Variants in RAP1A observed in about 807,000 individuals in gnomAD.
The protein encoded by RAP1A is RAP1A, member of RAS oncogene family.
RAP1A carries 6 observed loss-of-function variants against 26.4 expected under a neutral mutation model. The observed-to-expected ratio is 0.23, with a 90% confidence interval of 0.12 to 0.45. The LOEUF is 0.45. RAP1A is among the 20% of genes least tolerant of loss of function. The pLI, the probability that RAP1A is intolerant of heterozygous loss-of-function variation, is 0.99. For synonymous variants in RAP1A, 73 were observed against 79.4 expected (o/e 0.92, Z 0.43); for missense variants, 121 against 217.2 (o/e 0.56, Z 2.78).
In RAP1A at chr1:111,703,320, A is replaced by G; in HGVS notation, c.184-16A>G. On this transcript the variant is annotated splice_polypyrimidine_tract_variant and intron_variant, in intron 4 of 7. Transcript: ENST00000369709. ...GAAATTTATATATTTATAATTGCAT[A>G]TTTTTTAAATCATAGGAGCAATTTA... 6.7e-7 allele frequency: 1 copy of G among 1,494,320 alleles called. No homozygotes were observed. The highest frequency in any genetic ancestry group is 2.3e-5 in the East Asian group (1 of 42,988). The allele number at this position is 1,494,320 out of a possible 1,614,324, so 92.6% of individuals were successfully genotyped here.
chr1:111,558,920 A>C (rs1657622853), intron 1 of RAP1A, among the ~76,000 whole-genome samples: 1 of 152,210 alleles, frequency 6.6e-6, no homozygotes, highest in Non-Finnish European at 1.5e-5. Context: ...AAAACGTAGT[A>C]ACAAGTGAAA....
Position 111,713,169 on chromosome 1 carries a change from G to A in RAP1A, c.*768G>A, listed in dbSNP as rs1662436501. On this transcript the variant is annotated 3_prime_UTR_variant, in exon 8 of 8. Transcript: ENST00000369709. The stretch of plus-strand genomic sequence containing the variant: ...TAGATTAAAGCGTTTATTTTATAAT[G>A]ACCACATTGTTTTAAATGCGACAGT... 2 of 152,428 alleles carry A rather than the reference G, an allele frequency of 1.3e-5. No individual in the cohort carries two copies. Among genetic ancestry groups the A allele is most frequent in the Non-Finnish European group, 2.9e-5 (2 of 67,954 alleles). The allele number at this position is 152,428 out of a possible 1,614,324, so 9.4% of individuals were successfully genotyped here. A position where few individuals can be genotyped will look rare whatever the true frequency, so the allele number is the denominator to read the frequency against.
intron 1 of RAP1A, among the ~76,000 whole-genome samples, chr1:111,589,111 T>C (rs1352458080): frequency 6.6e-6 from 1 of 152,230 alleles, no homozygotes; most frequent in Non-Finnish European, 1.5e-5. Flanking sequence ...TGTTTTGGTG[T>C]CTTGATGATA....
At chr1:111,545,924 G>T (rs1052419887) in intron 1 of RAP1A, among the ~76,000 whole-genome samples, 2 of 152,130 alleles carry the variant, frequency 1.3e-5, no homozygotes, top group African/African-American at 4.8e-5. Context: ...AAAATCAATT[G>T]TCCACAGGTG....
At chr1:111,552,072 C>T (rs980604016) in intron 1 of RAP1A, among the ~76,000 whole-genome samples, 3 of 152,212 alleles carry the variant, frequency 2.0e-5, no homozygotes, top group Admixed American at 6.5e-5. Flanking sequence ...CAACTGTTAT[C>T]CATTGTCTCA....
intron 1 of RAP1A, among the ~76,000 whole-genome samples, chr1:111,669,065 A>G (rs567434063): frequency 2.0e-4 from 30 of 151,790 alleles, no homozygotes; most frequent in Admixed American, 4.6e-4. Context: ...AAAGAAATGT[A>G]TAAATAAAAA....
At chr1:111,643,093 C>T (rs1167518474) in intron 1 of RAP1A, among the ~76,000 whole-genome samples, 1 of 152,038 alleles carries the variant, frequency 6.6e-6, no homozygotes, top group African/African-American at 2.4e-5. Context: ...TGTAAGGGGC[C>T]AGATAGTAAG....
chr1:111,607,973 G>T (rs6660330), intron 1 of RAP1A, among the ~76,000 whole-genome samples: 1,061 of 68,280 alleles, frequency 0.016, 25 homozygotes, highest in African/African-American at 0.074. Context: ...TCCCGGACGG[G>T]GCAGCTGGCC....
intron 1 of RAP1A, among the ~76,000 whole-genome samples, chr1:111,655,139 T>A (rs1486338141): frequency 6.6e-6 from 1 of 151,482 alleles, no homozygotes; most frequent in Admixed American, 6.6e-5. Context: ...TTTGCTTTAA[T>A]CCACTGGTAC....
chr1:111,697,409 C>A, intron 3 of RAP1A, 32 bp from the exon 4 acceptor site: 2 of 1,590,698 alleles, frequency 1.3e-6, no homozygotes, highest in Non-Finnish European at 1.7e-6. Flanking sequence ...TGATGTTACT[C>A]TTTAACCTTT....
intron 1 of RAP1A, among the ~76,000 whole-genome samples, chr1:111,649,838 T>A (rs1660205658): frequency 6.6e-6 from 1 of 152,128 alleles, no homozygotes; most frequent in Non-Finnish European, 1.5e-5. Context: ...TCTGAATGCT[T>A]TTATGCACTG....
intron 4 of RAP1A, among the ~76,000 whole-genome samples, chr1:111,700,411 AGT>A (rs1402902202): frequency 1.3e-5 from 2 of 152,162 alleles, no homozygotes. Flanking sequence ...AAGAGCAAAG[AGT>A]GAGCGGGAGA....
intron 1 of RAP1A, among the ~76,000 whole-genome samples, chr1:111,650,836 C>T (rs1454870691): frequency 6.6e-6 from 1 of 151,954 alleles, no homozygotes; most frequent in Non-Finnish European, 1.5e-5. Context: ...TGCTCTGTCG[C>T]CCAGGCTGGA....
Position 111,593,042 on chromosome 1 carries a change from G to A in RAP1A, c.-28+50533G>A, listed in dbSNP as rs958857355. On this transcript the variant is annotated intron_variant, in intron 1 of 7. Coordinates refer to the RAP1A transcript ENST00000356415. ...GAGAGAGAAAAAATAGAAACAAAACGAGCAAGTTGGCAGAGGTGGCTGAGA... is the reference window on the plus strand; with the variant it reads ...GAGAGAGAAAAAATAGAAACAAAACAAGCAAGTTGGCAGAGGTGGCTGAGA... Among the ~76,000 whole-genome samples, 5 of 152,192 alleles carry A rather than the reference G, an allele frequency of 3.3e-5. No individual in the cohort carries two copies. The East Asian group carries it at 5.8e-4, about 18-fold the overall frequency.
chr1:111,595,551 C>T (rs1272393523), intron 1 of RAP1A, among the ~76,000 whole-genome samples: 1 of 152,118 alleles, frequency 6.6e-6, no homozygotes, highest in Non-Finnish European at 1.5e-5. Flanking sequence ...AGCTGAGGAT[C>T]TTTTTTGTTT....
chr1:111,648,295 C>T, intron 1 of RAP1A: 4 of 1,006,004 alleles, frequency 4.0e-6, no homozygotes, highest in Non-Finnish European at 5.9e-6. Flanking sequence ...GCTTAATTCT[C>T]AGAACTTTGG....
At chr1:111,576,642 AGGGGAGGGAGGAACGTGT>A (rs752197117) in intron 1 of RAP1A, among the ~76,000 whole-genome samples, 8 of 152,302 alleles carry the variant, frequency 5.3e-5, no homozygotes, top group Middle Eastern at 3.4e-3. Flanking sequence ...TGGAAGGGTG[AGGGGAGGGAGGAACGTGT>A]GGGTGTGCTT....
At chr1:111,609,464 C>A (rs893073808) in intron 1 of RAP1A, among the ~76,000 whole-genome samples, 3 of 152,020 alleles carry the variant, frequency 2.0e-5, no homozygotes, top group African/African-American at 7.3e-5. Flanking sequence ...TTTCTTAACC[C>A]TTTGGTTACA....
chr1:111,711,669 TC>T (rs1662389210), intron 7 of RAP1A, among the ~76,000 whole-genome samples: 1 of 152,364 alleles, frequency 6.6e-6, no homozygotes, highest in South Asian at 2.1e-4. Context: ...GCCATGTTGT[TC>T]CTGTACTTTT....
Sources: gnomAD v4.1 joint callset for allele counts (sites outside exome capture counted in the v4.1 genomes callset) on GRCh38, gnomAD v4.1.1 for gene constraint, MANE v1.5 for transcripts, NCBI Gene and HGNC (gene_info 2026-07-23, HGNC 2026-07-21) for gene names.